The following CACNA2D3 variants were observed in gnomAD, a reference collection of about 807,000 sequenced individuals.
CACNA2D3 encodes calcium voltage-gated channel auxiliary subunit alpha2delta 3.
CACNA2D3 carries 60 observed loss-of-function variants against 160.6 expected under a neutral mutation model. The observed-to-expected ratio is 0.37, with a 90% CI of 0.30 to 0.46. The LOEUF (loss-of-function observed/expected upper bound fraction) is 0.46, where lower values mean the gene tolerates loss of function less well. CACNA2D3 is among the 20% of genes least tolerant of loss of function. The probability of loss-of-function intolerance (pLI) is 1.00; values close to 1 mark genes in which losing one functional copy is unlikely to be tolerated. For missense variants in CACNA2D3, 1,205 were observed against 1,365.0 expected (o/e 0.88, Z 1.85); for synonymous variants, 558 against 492.9 (o/e 1.13, Z -1.75).
chr3:54,917,287 A>G (rs972017811), intron 27 of CACNA2D3, among the ~76,000 whole-genome samples: 2 of 152,242 alleles, frequency 1.3e-5, no homozygotes, highest in East Asian at 1.9e-4. Context: ...TTTGCATGCA[A>G]CTCTTCAAGA....
At chr3:54,794,392 A>G (rs1192394516) in intron 13 of CACNA2D3, among the ~76,000 whole-genome samples, 1 of 152,162 alleles carries the variant, frequency 6.6e-6, no homozygotes, top group Non-Finnish European at 1.5e-5. Context: ...CATATGTTAT[A>G]AACCTCACAA....
chr3:55,009,428 G>C lies in CACNA2D3; in HGVS notation c.2860G>C (p.Asp954His). The change falls in exon 34 of 38, where the codon GAT becomes CAT. Residue 954 changes from aspartate (D) to histidine (H), a missense_variant. Asp to His is a moderately conservative substitution (Grantham distance 81). Around this residue, in one of 3 missense-constraint regions of CACNA2D3, gnomAD observed 911 missense variants for 1,002.2 expected, o/e 0.91. Transcript: ENST00000474759. ...EFNLCSWWHS[D>H]MTAKAQKLKQ... is the part of the protein sequence containing the mutation. ...TAACCTCTGCAGTTGGTGGCACTCC[G>C]ATATGACAGCTAAAGGTGAGCAGCA... 6.2e-7 allele frequency: 1 copy of C among 1,613,890 alleles called. No individual in the cohort carries two copies. The highest frequency in any genetic ancestry group is 8.5e-7 in the Non-Finnish European group (1 of 1,179,776).
At chr3:54,286,186 A>T (rs1217805107) in intron 2 of CACNA2D3, among the ~76,000 whole-genome samples, 1 of 152,226 alleles carries the variant, frequency 6.6e-6, no homozygotes, top group Non-Finnish European at 1.5e-5. Context: ...TTTGAAAAAA[A>T]ATTAGAGGAA....
chr3:55,062,023 CAAA>C (rs1704522441), intron 35 of CACNA2D3, among the ~76,000 whole-genome samples: 1 of 152,150 alleles, frequency 6.6e-6, no homozygotes, highest in South Asian at 2.1e-4. Flanking sequence ...TGAGAATAAA[CAAA>C]AATTCTGGGC....
chr3:54,693,694 G>A (rs1309517598), intron 11 of CACNA2D3, among the ~76,000 whole-genome samples: 2 of 152,162 alleles, frequency 1.3e-5, no homozygotes, highest in Non-Finnish European at 2.9e-5. Flanking sequence ...GACAAGAGGT[G>A]GAGGTAGAAG....
At chr3:54,256,340 C>A (rs552770720) in intron 2 of CACNA2D3, among the ~76,000 whole-genome samples, 1 of 152,280 alleles carries the variant, frequency 6.6e-6, no homozygotes, top group South Asian at 2.1e-4. Flanking sequence ...TTATTTCTAT[C>A]CTACTGCTCA....
intron 9 of CACNA2D3, among the ~76,000 whole-genome samples, chr3:54,584,348 A>G (rs539485979): frequency 5.9e-5 from 9 of 152,370 alleles, no homozygotes; most frequent in African/African-American, 2.2e-4. Flanking sequence ...GTTATAAAAT[A>G]GAGCCAAATG....
Position 54,763,854 on chromosome 3 carries a change from T to G in CACNA2D3, c.1247-364T>G, listed in dbSNP as rs1422823214. On this transcript the variant is annotated intron_variant, in intron 12 of 37. Coordinates refer to ENST00000474759, the MANE Select transcript of CACNA2D3 (RefSeq NM_018398.3). Reference sequence around the variant, plus strand: ...ATATATGTATATATATGTACATATATATACATATATATATACGTATATATA... The same window carrying G: ...ATATATGTATATATATGTACATATAGATACATATATATATACGTATATATA... Among the ~76,000 whole-genome samples, 6 of 34,778 alleles carry G rather than the reference T, an allele frequency of 1.7e-4. 2 individuals are homozygous for G. Among genetic ancestry groups the G allele is most frequent in the Admixed American group, 1.1e-3 (2 of 1,828 alleles). The allele number at this position is 34,778 out of a possible 152,430, so 22.8% of individuals were successfully genotyped here.
chr3:54,847,050 ACTTT>A (rs1337806780), intron 17 of CACNA2D3, among the ~76,000 whole-genome samples: 2 of 152,192 alleles, frequency 1.3e-5, no homozygotes, highest in Non-Finnish European at 2.9e-5. Flanking sequence ...TATGTAAACC[ACTTT>A]CTTTCTCTCA....
chr3:54,616,382 T>G (rs565160729), intron 9 of CACNA2D3, among the ~76,000 whole-genome samples: 66 of 152,202 alleles, frequency 4.3e-4, no homozygotes, highest in Non-Finnish European at 9.0e-4. Flanking sequence ...CAGGGCTGCT[T>G]CCAGCAAAGC....
chr3:54,600,916 A>G (rs1190283415), intron 9 of CACNA2D3, among the ~76,000 whole-genome samples: 1 of 151,916 alleles, frequency 6.6e-6, no homozygotes. Flanking sequence ...CATTTCTTCA[A>G]TTTTGACTCA....
chr3:55,056,664 G>A (rs986508357), intron 35 of CACNA2D3, among the ~76,000 whole-genome samples: 29 of 152,148 alleles, frequency 1.9e-4, no homozygotes, highest in African/African-American at 6.5e-4. Flanking sequence ...CATCATGGAT[G>A]GAATTGGAGA....
At chr3:54,328,865 A>G (rs1253367929) in intron 3 of CACNA2D3, among the ~76,000 whole-genome samples, 1 of 152,204 alleles carries the variant, frequency 6.6e-6, no homozygotes, top group Non-Finnish European at 1.5e-5. Flanking sequence ...AACTAGCACT[A>G]AGCTTCCTGA....
At chr3:55,005,017 C>T (rs919829186) in intron 32 of CACNA2D3, among the ~76,000 whole-genome samples, 179 bp downstream of exon 32, 4 of 151,702 alleles carry the variant, frequency 2.6e-5, no homozygotes, top group African/African-American at 9.7e-5. Flanking sequence ...AGCTCATGCC[C>T]GTAATCCCAG....
intron 25 of CACNA2D3, among the ~76,000 whole-genome samples, chr3:54,894,318 G>C (rs904094771): frequency 1.3e-5 from 2 of 152,132 alleles, no homozygotes; most frequent in Non-Finnish European, 2.9e-5. Context: ...CAGTCCTTTC[G>C]CAGTGACACC....
At chr3:54,376,793 T>A (rs1218452107) in intron 3 of CACNA2D3, among the ~76,000 whole-genome samples, 1 of 152,176 alleles carries the variant, frequency 6.6e-6, no homozygotes, top group East Asian at 1.9e-4. Flanking sequence ...GAGTCAGGAT[T>A]TGAATTCAGG....
intron 15 of CACNA2D3, among the ~76,000 whole-genome samples, chr3:54,838,181 G>C (rs150424345): frequency 5.5e-4 from 84 of 152,346 alleles, no homozygotes; most frequent in African/African-American, 1.9e-3. Flanking sequence ...TGAGAAAGCA[G>C]TTAACATGCT....
intron 4 of CACNA2D3, among the ~76,000 whole-genome samples, chr3:54,417,124 ATTTGTGTCAATCAG>A: frequency 6.6e-6 from 1 of 152,292 alleles, no homozygotes; most frequent in East Asian, 1.9e-4. Flanking sequence ...CTGCCTGAAT[ATTTGTGTCAATCAG>A]AAAGTATACT....
At chr3:54,211,623 T>G (rs1485930673) in intron 2 of CACNA2D3, among the ~76,000 whole-genome samples, 1 of 152,204 alleles carries the variant, frequency 6.6e-6, no homozygotes, top group Non-Finnish European at 1.5e-5. Flanking sequence ...AAAACTTAAT[T>G]AGACTCATAT....
Sources: allele counts gnomAD v4.1 joint callset (sites outside exome capture counted in the v4.1 genomes callset), GRCh38; gene constraint gnomAD v4.1.1; regional missense constraint gnomAD v4.1.1; transcripts MANE v1.5; gene names NCBI Gene and HGNC (gene_info 2026-07-23, HGNC 2026-07-21).